Variants in ZPBP observed in about 807,000 individuals in gnomAD.
The protein encoded by ZPBP is zona pellucida-binding protein 1.
Under a neutral mutation model 44.8 loss-of-function variants are expected in ZPBP, and 26 were observed. That is an observed-to-expected ratio of 0.58 (90% CI 0.43 to 0.81). ZPBP has a LOEUF of 0.81. Ranked by LOEUF, ZPBP falls within the 30% of genes least tolerant of loss-of-function variation. The pLI, the probability that ZPBP is intolerant of heterozygous loss-of-function variation, is 0.00. For synonymous variants in ZPBP, 174 were observed against 153.2 expected (o/e 1.14, Z -1.00); for missense variants, 409 against 434.0 (o/e 0.94, Z 0.51).
At chr7:50,091,467 C>T (rs1802988665) in intron 1 of ZPBP, among the ~76,000 whole-genome samples, 1 of 152,170 alleles carries the variant, frequency 6.6e-6, no homozygotes, top group South Asian at 2.1e-4. Flanking sequence ...CCTCATCTCT[C>T]ACCTTACATA....
intron 2 of ZPBP, among the ~76,000 whole-genome samples, chr7:49,885,802 C>T (rs921361347): frequency 2.0e-5 from 3 of 152,140 alleles, no homozygotes; most frequent in South Asian, 4.2e-4. Flanking sequence ...CCACTAGCAC[C>T]GGGGACGCAG....
At chr7:50,035,783 A>T (rs1272705977) in intron 4 of ZPBP, among the ~76,000 whole-genome samples, 2 of 152,192 alleles carry the variant, frequency 1.3e-5, no homozygotes, top group African/African-American at 2.4e-5. Context: ...AAGTATATGT[A>T]CATTATTAAA....
intron 5 of ZPBP, among the ~76,000 whole-genome samples, chr7:50,030,747 G>A (rs977473662): frequency 2.0e-5 from 3 of 152,072 alleles, no homozygotes; most frequent in Non-Finnish European, 4.4e-5. Context: ...ATACTAAGCT[G>A]GACGGTTCCT....
intron 2 of ZPBP, among the ~76,000 whole-genome samples, chr7:49,897,034 T>C (rs1488755240): frequency 1.3e-5 from 2 of 152,022 alleles, no homozygotes; most frequent in African/African-American, 4.8e-5. Context: ...TAGCTGGGAC[T>C]ACAGGCGCCC....
chr7:49,874,514 T>C (rs938521050), intron 2 of ZPBP, among the ~76,000 whole-genome samples: 2 of 151,860 alleles, frequency 1.3e-5, no homozygotes, highest in Admixed American at 6.6e-5. Flanking sequence ...TTTCTCACAA[T>C]GTATCCTCGT....
At chr7:49,988,558 T>C (rs777880176) in intron 6 of ZPBP, among the ~76,000 whole-genome samples, 16 of 152,236 alleles carry the variant, frequency 1.1e-4, no homozygotes, top group Non-Finnish European at 2.4e-4. Flanking sequence ...TTATGCTAAG[T>C]TATTATAAAC....
the ZPBP span, among the ~76,000 whole-genome samples, chr7:49,844,402 T>C: frequency 1.0e-3 from 153 of 152,382 alleles, 1 homozygote; most frequent in African/African-American, 3.7e-3. Flanking sequence ...CGATCGGCTT[T>C]GCCCTGGCAG....
intron 6 of ZPBP, among the ~76,000 whole-genome samples, chr7:49,997,838 A>G (rs930603946): frequency 6.6e-6 from 1 of 152,186 alleles, no homozygotes; most frequent in African/African-American, 2.4e-5. Context: ...TTTCAATTTC[A>G]TCAGTGGCTT....
chr7:50,083,794 A>G (rs1802493729), intron 2 of ZPBP, among the ~76,000 whole-genome samples: 1 of 152,008 alleles, frequency 6.6e-6, no homozygotes, highest in African/African-American at 2.4e-5. Context: ...GCAAATGTAA[A>G]CTTAGATTTA....
In ZPBP at chr7:49,983,424, A is replaced by T. The variant is rs994919895; in HGVS notation, c.879T>A (p.Thr293=). 1.2e-6 allele frequency: 2 copies of T among 1,612,826 alleles called. No individual in the cohort carries two copies. Among genetic ancestry groups the T allele is most frequent in the Non-Finnish European group, 1.7e-6 (2 of 1,179,170 alleles). Residue 293 remains threonine, a synonymous_variant, in exon 7 of 8, where the codon ACT becomes ACA. Coordinates refer to ENST00000046087, the MANE Select transcript of ZPBP (RefSeq NM_007009.3). ...AGCGATTAATCCAAACCATTTGGAG[A>T]GTACCTTCAATATAGTATATTTGAG... ...QLPQIYYIEG[T]LQMVWINRCF... is the part of the protein sequence containing the mutation.
chr7:50,009,694 C>T (rs1211970277), intron 6 of ZPBP, among the ~76,000 whole-genome samples: 1 of 152,022 alleles, frequency 6.6e-6, no homozygotes, highest in Non-Finnish European at 1.5e-5. Context: ...GAAACTATCT[C>T]AGTTTACAGC....
At position 50,093,204 on chromosome 7, in the gene ZPBP, GCCGTCGCCTGCCCA is replaced by G; in HGVS notation, c.-24_-11del. On this transcript the variant is annotated 5_prime_UTR_variant, in exon 1 of 8. Transcript: ENST00000046087. ...GGGCGAAGGCCTCCATCCACACGCC[GCCGTCGCCTGCCCA>G]CCGTCCGCGCGGAAGGTCGTTAGGC... 1.3e-6 allele frequency: 2 copies of G among 1,513,214 alleles called. No homozygotes were observed. The highest frequency in any genetic ancestry group is 1.8e-6 in the Non-Finnish European group (2 of 1,133,682). 93.7% of individuals were successfully genotyped at this position (1,513,214 alleles called of 1,614,324 possible). A position where few individuals can be genotyped will look rare whatever the true frequency, so the allele number is the denominator to read the frequency against.
At chr7:49,946,754 C>CTT (rs934935653) in intron 7 of ZPBP, among the ~76,000 whole-genome samples, 1 of 152,102 alleles carries the variant, frequency 6.6e-6, no homozygotes, top group Non-Finnish European at 1.5e-5. Context: ...GGTTTGGAAA[C>CTT]TTCTCTGTTA....
intron 4 of ZPBP, among the ~76,000 whole-genome samples, chr7:50,053,990 G>A (rs1243389920): frequency 6.6e-6 from 1 of 152,140 alleles, no homozygotes; most frequent in Non-Finnish European, 1.5e-5. Flanking sequence ...CCAGGTTCAA[G>A]TGATTCTCTG....
At chr7:50,040,740 G>A (rs1800043295) in intron 4 of ZPBP, among the ~76,000 whole-genome samples, 2 of 152,200 alleles carry the variant, frequency 1.3e-5, no homozygotes, top group Non-Finnish European at 2.9e-5. Context: ...CATTTGGGCA[G>A]ACACCGAGTG....
chr7:50,027,918 TC>T (rs1188691404), intron 5 of ZPBP, among the ~76,000 whole-genome samples: 1 of 151,764 alleles, frequency 6.6e-6, no homozygotes, highest in African/African-American at 2.4e-5. Flanking sequence ...GAATCACTAA[TC>T]AAAAACCTGC....
At chr7:50,005,240 G>A (rs1798252379) in intron 6 of ZPBP, among the ~76,000 whole-genome samples, 1 of 151,978 alleles carries the variant, frequency 6.6e-6, no homozygotes, top group Non-Finnish European at 1.5e-5. Context: ...AACAACTGAG[G>A]AAGTTAATTA....
At chr7:49,971,604 G>T (rs1266179233) in intron 7 of ZPBP, among the ~76,000 whole-genome samples, 3 of 152,102 alleles carry the variant, frequency 2.0e-5, no homozygotes, top group Non-Finnish European at 4.4e-5. Flanking sequence ...TACAGCAATT[G>T]AATCAGTAAT....
intron 1 of ZPBP, chr7:49,915,527 A>G (rs1360137516): frequency 2.0e-5 from 3 of 152,224 alleles, no homozygotes; most frequent in Non-Finnish European, 4.4e-5. Context: ...GTCCTAAAAA[A>G]TCATAAAATT....
Sources: allele counts gnomAD v4.1 joint callset (sites outside exome capture counted in the v4.1 genomes callset), GRCh38; gene constraint gnomAD v4.1.1; transcripts MANE v1.5; gene names NCBI Gene and HGNC (gene_info 2026-07-23, HGNC 2026-07-21).